LPAR3: variants seen among roughly 807,000 people sequenced by gnomAD.
LPAR3 encodes the protein LPA receptor 3.
In LPAR3, 7 loss-of-function variants were observed where a neutral mutation model predicts 17.8. The observed-to-expected ratio is 0.39, with a 90% CI of 0.22 to 0.74. LPAR3 has a LOEUF of 0.74. Among genes scored for constraint, LPAR3 ranks in the 30% least tolerant of loss-of-function variants. The pLI is 0.40. For synonymous variants in LPAR3, 179 were observed against 179.9 expected (o/e 0.99, Z 0.04); for missense variants, 391 against 453.4 (o/e 0.86, Z 1.25).
chr1:84,854,293 A>G (rs1461369664), intron 2 of LPAR3, among the ~76,000 whole-genome samples: 1 of 151,890 alleles, frequency 6.6e-6, no homozygotes, highest in African/African-American at 2.4e-5. Context: ...TCCACCTGTT[A>G]CACTGAAATC....
intron 2 of LPAR3, among the ~76,000 whole-genome samples, chr1:84,858,967 C>G (rs942630500): frequency 6.6e-6 from 1 of 152,068 alleles, no homozygotes; most frequent in Non-Finnish European, 1.5e-5. Flanking sequence ...GTTTCCCAGG[C>G]AGAACTAGGG....
Position 84,812,821 on chromosome 1 carries a change from T to C in LPAR3, c.*1025A>G, listed in dbSNP as rs926750442. On this transcript the variant is annotated 3_prime_UTR_variant, in exon 3 of 3. Transcript: ENST00000370611. The stretch of plus-strand genomic sequence containing the variant: ...TCTCTACCTGCTCCTTAAACGTTGG[T>C]GTTCTCTTGGCTTCTTTTGCTCTTA... 12 of 152,110 alleles carry C rather than the reference T, an allele frequency of 7.9e-5. No homozygotes were observed. The highest frequency in any genetic ancestry group is 1.3e-4 in the Non-Finnish European group (9 of 68,064). 9.4% of individuals were successfully genotyped at this position (152,110 alleles called of 1,614,324 possible).
chr1:84,870,010 A>G (rs1660129312), intron 1 of LPAR3, among the ~76,000 whole-genome samples: 1 of 152,226 alleles, frequency 6.6e-6, no homozygotes, highest in Admixed American at 6.5e-5. Flanking sequence ...AGATCTCCCC[A>G]GTACACGTTA....
At chr1:84,867,837 A>G (rs939220532) in intron 1 of LPAR3, among the ~76,000 whole-genome samples, 3 of 152,202 alleles carry the variant, frequency 2.0e-5, no homozygotes, top group Non-Finnish European at 4.4e-5. Context: ...TAATTTCCCC[A>G]AATTAAAAAT....
chr1:84,859,352 T>C (rs967100353), intron 2 of LPAR3, among the ~76,000 whole-genome samples: 3 of 152,092 alleles, frequency 2.0e-5, no homozygotes, highest in Non-Finnish European at 4.4e-5. Context: ...TCAATCTAAG[T>C]GGAGAGGAGG....
chr1:84,817,291 A>ACACACACACACACC (rs1000146030), intron 2 of LPAR3, among the ~76,000 whole-genome samples: 4 of 144,572 alleles, frequency 2.8e-5, no homozygotes, highest in Admixed American at 6.9e-5. Flanking sequence ...ACACACACAC[A>ACACACACACACACC]CCCCTCACTT....
chr1:84,859,850 A>T lies in LPAR3; in HGVS notation c.736+5535T>A, dbSNP rs118183042. Among the ~76,000 whole-genome samples, 478 of 152,352 alleles carry T rather than the reference A, an allele frequency of 3.1e-3. 5 individuals carry two copies. Among genetic ancestry groups the T allele is most frequent in the South Asian group, 0.029 (139 of 4,828 alleles). ...TCCAGCCCATTTTCTGGGAAATAAC[A>T]AAACATTTCTGTGTGCACAGTTCAC... is the stretch of plus-strand genomic sequence containing the variant. On this transcript the variant is annotated intron_variant, in intron 2 of 2. Transcript: ENST00000370611.
intron 1 of LPAR3, among the ~76,000 whole-genome samples, chr1:84,874,915 T>G (rs1440236013): frequency 6.6e-6 from 1 of 151,660 alleles, no homozygotes; most frequent in Non-Finnish European, 1.5e-5. Flanking sequence ...TTTTTTTTTT[T>G]TTGAGATGGA....
chr1:84,864,173 C>T (rs897059414), intron 2 of LPAR3, among the ~76,000 whole-genome samples: 1 of 151,358 alleles, frequency 6.6e-6, no homozygotes, highest in African/African-American at 2.4e-5. Context: ...GATTGCACCA[C>T]TGCACTATAG....
At chr1:84,856,067 AG>A (rs1373768805) in intron 2 of LPAR3, among the ~76,000 whole-genome samples, 2 of 152,210 alleles carry the variant, frequency 1.3e-5, no homozygotes, top group African/African-American at 4.8e-5. Flanking sequence ...GCGTAGGGGC[AG>A]CAACTGAGTG....
At chr1:84,873,414 T>C (rs1039799792) in intron 1 of LPAR3, among the ~76,000 whole-genome samples, 8 of 152,226 alleles carry the variant, frequency 5.3e-5, no homozygotes, top group African/African-American at 1.9e-4. Flanking sequence ...AGGAGGCATG[T>C]TGTTGACTCT....
intron 2 of LPAR3, among the ~76,000 whole-genome samples, chr1:84,856,546 C>CT (rs552856057): frequency 4.6e-5 from 7 of 151,384 alleles, no homozygotes; most frequent in African/African-American, 9.7e-5. Flanking sequence ...GGCACATGTA[C>CT]TTTTTTTTTC....
rs960607265 is a variant in LPAR3, at chr1:84,874,911, T to C, written c.-18-8773A>G. Among the ~76,000 whole-genome samples the C allele has an allele frequency of 1.4e-3, 214 of 151,696 alleles. 5 individuals are homozygous for C. The East Asian group carries it at 0.015, about 11-fold the overall frequency. ...GTTGAGAATGTCAATTTTTTTTTTT[T>C]TTTTTTGAGATGGAGTCTAGCTCTG... On this transcript the variant is annotated intron_variant, in intron 1 of 2. Transcript: ENST00000370611.
At chr1:84,861,832 C>T (rs1659947471) in intron 2 of LPAR3, among the ~76,000 whole-genome samples, 1 of 152,188 alleles carries the variant, frequency 6.6e-6, no homozygotes, top group African/African-American at 2.4e-5. Context: ...TGCATGACTT[C>T]TCTTATCCTA....
intron 2 of LPAR3, among the ~76,000 whole-genome samples, chr1:84,844,518 A>G (rs1659562429): frequency 6.6e-6 from 1 of 152,222 alleles, no homozygotes; most frequent in African/African-American, 2.4e-5. Flanking sequence ...AATAAATACA[A>G]TTCACAAAAA....
intron 2 of LPAR3, among the ~76,000 whole-genome samples, chr1:84,840,085 G>C (rs1397103527): frequency 1.3e-5 from 2 of 151,950 alleles, no homozygotes; most frequent in Non-Finnish European, 2.9e-5. Flanking sequence ...ACCACACCTG[G>C]CTTATTTATT....
chr1:84,888,125 ATT>A (rs1333069029), intron 1 of LPAR3, among the ~76,000 whole-genome samples: 1 of 69,804 alleles, frequency 1.4e-5, no homozygotes, highest in East Asian at 7.0e-4. Flanking sequence ...GATGATGTAT[ATT>A]TTATATATAT....
chr1:84,815,921 C>T (rs1209866413), intron 2 of LPAR3, among the ~76,000 whole-genome samples: 5 of 152,246 alleles, frequency 3.3e-5, no homozygotes, highest in Middle Eastern at 3.4e-3. Flanking sequence ...TTATTATTTT[C>T]GGTCTGGCTG....
At chr1:84,891,474 C>A (rs866326560) in intron 1 of LPAR3, among the ~76,000 whole-genome samples, 22 of 152,148 alleles carry the variant, frequency 1.4e-4, no homozygotes, top group African/African-American at 4.8e-4. Flanking sequence ...TTAGTATAGT[C>A]CAGTTTGTTT....
Sources: allele counts gnomAD v4.1 joint callset (sites outside exome capture counted in the v4.1 genomes callset), GRCh38; gene constraint gnomAD v4.1.1; transcripts MANE v1.5; gene names NCBI Gene and HGNC (gene_info 2026-07-23, HGNC 2026-07-21).